Variants in MAOB observed in about 807,000 individuals in gnomAD.
MAOB encodes monoamine oxidase B.
In MAOB, 15 loss-of-function variants were observed where a neutral mutation model predicts 41.9. That is an observed-to-expected ratio of 0.36 (90% CI 0.24 to 0.55). The LOEUF (loss-of-function observed/expected upper bound fraction) is 0.55, where lower values mean the gene tolerates loss of function less well. Ranked by LOEUF, MAOB falls within the 20% of genes least tolerant of loss-of-function variation. The pLI, the probability that MAOB is intolerant of heterozygous loss-of-function variation, is 0.86. For synonymous variants in MAOB, 167 were observed against 144.2 expected (o/e 1.16, Z -1.13); for missense variants, 345 against 398.7 (o/e 0.87, Z 1.15).
chrX:43,768,167 A>G lies in MAOB; in HGVS notation c.1410+487T>C, dbSNP rs1449364536. ...AAAGTGCGTTTGCACTCTAACCTCT[A>G]TGCATCCCTCCTTCCAGCCAGGAAA... On this transcript the variant is annotated intron_variant, in intron 14 of 14. Transcript: ENST00000378069. 2.7e-5 allele frequency among the ~76,000 whole-genome samples: 3 copies of G among 112,048 alleles called. No homozygotes were observed. The East Asian group carries it at 8.4e-4, about 31-fold the overall frequency.
intron 7 of MAOB, among the ~76,000 whole-genome samples, chrX:43,794,698 C>T (rs1458712973): frequency 9.1e-6 from 1 of 109,784 alleles, no homozygotes; most frequent in Non-Finnish European, 1.9e-5. Context: ...TCCCCCACCC[C>T]AAATATTCTG....
chrX:43,853,308 T>C (rs1346321585), intron 1 of MAOB, among the ~76,000 whole-genome samples: 8 of 81,354 alleles, frequency 9.8e-5, no homozygotes, highest in African/African-American at 3.7e-4. Context: ...AACGATGAAA[T>C]GAGAAGGAAA....
chrX:43,864,970 G>A (rs868193153), intron 1 of MAOB, among the ~76,000 whole-genome samples: 2 of 111,792 alleles, frequency 1.8e-5, no homozygotes, highest in African/African-American at 3.3e-5. Context: ...ACTGCAGATC[G>A]TACTTTAAAA....
chrX:43,850,215 C>T (rs2035241148), intron 1 of MAOB: 2 of 297,224 alleles, frequency 6.7e-6, no homozygotes, highest in Non-Finnish European at 9.0e-6. Flanking sequence ...AGCCTTATTA[C>T]CTCCTATAAC....
Position 43,767,515 on chromosome X carries a change from G to A in MAOB, c.1514C>T (p.Thr505Met), listed in dbSNP as rs200812794. 179 of 1,208,786 alleles carry A rather than the reference G, an allele frequency of 1.5e-4. No homozygotes were observed. Among genetic ancestry groups the A allele is most frequent in the Middle Eastern group, 7.4e-4 (3 of 4,057 alleles). The change falls in exon 15 of 15, where the codon ACG becomes ATG. Residue 505 changes from threonine to methionine, a missense_variant. Coordinates refer to ENST00000378069, the MANE Select transcript of MAOB (RefSeq NM_000898.5). ...TTTGTGGGCCAGGAAGCCAAGAGCCGTTGCTGAAAAGATGGTGGTCAATCC... is the reference window on the plus strand; with the variant it reads ...TTTGTGGGCCAGGAAGCCAAGAGCCATTGCTGAAAAGATGGTGGTCAATCC... Reference protein sequence around the residue: ...LIGLTTIFSATALGFLAHKRG... With the variant: ...LIGLTTIFSAMALGFLAHKRG...
At chrX:43,853,688 A>G (rs553594858) in intron 1 of MAOB, among the ~76,000 whole-genome samples, 16 of 111,811 alleles carry the variant, frequency 1.4e-4, no homozygotes, top group African/African-American at 5.2e-4. Flanking sequence ...TTGGAAACAG[A>G]GACATGCACA....
Position 43,838,887 on chromosome X carries a change from C to T in MAOB, c.260G>A (p.Arg87His), listed in dbSNP as rs192154106. Reference sequence around the variant, plus strand: ...TCTTACCTTTACATGGTGGATCAGACGCTCAACCTCATTCACTTTGTAGGT... The same window carrying T: ...TCTTACCTTTACATGGTGGATCAGATGCTCAACCTCATTCACTTTGTAGGT... ...LETYKVNEVE[R>H]LIHHVKGKSY... The change falls in exon 3 of 15, where the codon CGT becomes CAT. Residue 87 changes from arginine (R) to histidine (H), a missense_variant. Transcript: ENST00000378069. The T allele has an allele frequency of 1.4e-4, 169 of 1,200,538 alleles. No individual in the cohort carries two copies. The highest frequency in any genetic ancestry group is 7.1e-4 in the Admixed American group (32 of 44,781).
chrX:43,771,053 G>A (rs778001891), intron 12 of MAOB, among the ~76,000 whole-genome samples: 2 of 112,041 alleles, frequency 1.8e-5, no homozygotes, highest in South Asian at 7.5e-4. Context: ...AAAACCAAAT[G>A]AGCTGGCTTG....
At chrX:43,783,396 C>T (rs2034361299) in intron 8 of MAOB, among the ~76,000 whole-genome samples, 1 of 111,596 alleles carries the variant, frequency 9.0e-6, no homozygotes, top group Non-Finnish European at 1.9e-5. Flanking sequence ...CAGTTCCCTC[C>T]TGAACAAAAT....
intron 12 of MAOB, 90 bp downstream of exon 12, chrX:43,775,085 A>T: frequency 1.1e-6 from 1 of 909,426 alleles, no homozygotes; most frequent in Non-Finnish European, 1.4e-6. Flanking sequence ...TATTTATAAG[A>T]AACAAGGGAG....
chrX:43,773,386 T>A (rs1367914104), intron 12 of MAOB, among the ~76,000 whole-genome samples: 1 of 112,155 alleles, frequency 8.9e-6, no homozygotes, highest in Non-Finnish European at 1.9e-5. Flanking sequence ...TAGAGTCAAT[T>A]TTTGATATCA....
chrX:43,789,196 C>T (rs751148586), intron 8 of MAOB, among the ~76,000 whole-genome samples: 25 of 112,235 alleles, frequency 2.2e-4, no homozygotes, highest in African/African-American at 6.8e-4. Flanking sequence ...GACATCATGT[C>T]GATGCTTCAA....
At chrX:43,780,056 G>A (rs193301096) in intron 10 of MAOB, among the ~76,000 whole-genome samples, 4 of 111,517 alleles carry the variant, frequency 3.6e-5, no homozygotes, top group African/African-American at 9.8e-5. Flanking sequence ...GTAGCCCCTA[G>A]CATGGTGTCT....
At chrX:43,833,270 A>C (rs925047272) in intron 3 of MAOB, among the ~76,000 whole-genome samples, 5 of 111,213 alleles carry the variant, frequency 4.5e-5, no homozygotes, top group African/African-American at 6.5e-5. Flanking sequence ...TCCATATAAG[A>C]GTAATGTTAC....
chrX:43,785,711 T>C (rs893134709), intron 8 of MAOB, among the ~76,000 whole-genome samples: 3 of 111,992 alleles, frequency 2.7e-5, no homozygotes, highest in South Asian at 3.8e-4. Flanking sequence ...GGGTCATTCA[T>C]TGGCCTTATT....
chrX:43,767,710 T>C, intron 14 of MAOB, 92 bp from the exon 15 acceptor site: 1 of 865,423 alleles, frequency 1.2e-6, no homozygotes, highest in Non-Finnish European at 1.6e-6. Context: ...ACATGACCCA[T>C]TCTTGCCAAC....
In MAOB at chrX:43,843,729, G is replaced by C; in HGVS notation, c.82C>G (p.Leu28Val). ...CGGGCTTCCAGAACAACCACATTCAGTCCAGAGTCATGCAGAAGTTTGGCT... is the reference window on the plus strand; with the variant it reads ...CGGGCTTCCAGAACAACCACATTCACTCCAGAGTCATGCAGAAGTTTGGCT... ...AAAKLLHDSG[L>V]NVVVLEARDR... The change falls in exon 2 of 15, where the codon CTG (leucine) becomes GTG (valine). Residue 28 changes from leucine to valine, a missense_variant. By Grantham distance (32) the Leu-to-Val change is conservative. Coordinates refer to ENST00000378069, the MANE Select transcript of MAOB (RefSeq NM_000898.5). 8.3e-7 allele frequency: 1 copy of C among 1,210,685 alleles called. No individual in the cohort carries two copies. The highest frequency in any genetic ancestry group is 1.7e-5 in the African/African-American group (1 of 57,678).
chrX:43,822,689 T>C (rs2034896698), intron 3 of MAOB, among the ~76,000 whole-genome samples: 1 of 112,261 alleles, frequency 8.9e-6, no homozygotes, highest in Non-Finnish European at 1.9e-5. Flanking sequence ...GAAAAAGTTT[T>C]CAAAGAAATT....
intron 3 of MAOB, among the ~76,000 whole-genome samples, chrX:43,819,008 C>T (rs190307788): frequency 9.0e-6 from 1 of 111,498 alleles, no homozygotes; most frequent in African/African-American, 3.3e-5. Flanking sequence ...AAAGTGTAGT[C>T]AGCAGGATTC....
Sources: gnomAD v4.1 joint callset for allele counts (sites outside exome capture counted in the v4.1 genomes callset) on GRCh38, gnomAD v4.1.1 for gene constraint, MANE v1.5 for transcripts, NCBI Gene and HGNC (gene_info 2026-07-23, HGNC 2026-07-21) for gene names.